The following UBN2 variants were observed in gnomAD, a reference collection of about 807,000 sequenced individuals.
The protein encoded by UBN2 is ubinuclein 2.
Under a neutral mutation model 120.2 loss-of-function variants are expected in UBN2, and 35 were observed. That is an observed-to-expected ratio of 0.29 (90% confidence interval 0.22 to 0.39). The LOEUF (loss-of-function observed/expected upper bound fraction) is 0.39. UBN2 is among the 10% of genes least tolerant of loss of function. The probability of loss-of-function intolerance (pLI) is 1.00; values close to 1 mark genes in which losing one functional copy is unlikely to be tolerated. For synonymous variants in UBN2, 661 were observed against 648.7 expected (o/e 1.02, Z -0.29); for missense variants, 1,693 against 1,663.2 (o/e 1.02, Z -0.31).
At chr7:139,257,572 G>A (rs1029341588) in intron 3 of UBN2, among the ~76,000 whole-genome samples, 3 of 151,518 alleles carry the variant, frequency 2.0e-5, no homozygotes, top group South Asian at 2.1e-4. Context: ...CACCACGCCC[G>A]GCTAATTTTT....
chr7:139,254,403 C>T (rs1355395694), intron 3 of UBN2, among the ~76,000 whole-genome samples: 2 of 152,144 alleles, frequency 1.3e-5, no homozygotes, highest in Non-Finnish European at 2.9e-5. Context: ...GTAAAATGGC[C>T]TTCGTCTTAC....
Position 139,293,246 on chromosome 7 carries a change from A to G in UBN2, c.3684A>G (p.Ala1228=), listed in dbSNP as rs1161922117. 7 of 1,614,182 alleles carry G rather than the reference A, an allele frequency of 4.3e-6. No individual in the cohort carries two copies. In the Admixed American group the frequency reaches 1.0e-4, roughly 23 times the overall value. ...VTASVQSTAG[A]SLLANASPLT... ...TTTCTGCACAGTCCACAGCAGGAGC[A>G]TCATTATTGGCTAATGCCTCACCTC... is the stretch of plus-strand genomic sequence containing the variant. Residue 1228 remains alanine (A), a synonymous_variant, in exon 16 of 18, where the codon GCA becomes GCG. Transcript: ENST00000473989.
intron 3 of UBN2, 136 bp downstream of exon 3, chr7:139,252,193 T>A: frequency 1.5e-6 from 1 of 651,248 alleles, no homozygotes; most frequent in Non-Finnish European, 2.5e-6. Context: ...TACTTAAAGA[T>A]TTCTTTACCC....
In UBN2 at chr7:139,231,458, C is replaced by G; in HGVS notation, c.-27C>G. ...CCGTAGAAGCGAGCGCCGGCTCGAGCAAAAGCGGAGGGCCAGAACAGTGGG... is the reference window on the plus strand; with the variant it reads ...CCGTAGAAGCGAGCGCCGGCTCGAGGAAAAGCGGAGGGCCAGAACAGTGGG... On this transcript the variant is annotated 5_prime_UTR_variant, in exon 1 of 18. Transcript: ENST00000473989. 1 of 1,302,300 alleles carries G rather than the reference C, an allele frequency of 7.7e-7. No individual in the cohort carries two copies. The highest frequency in any genetic ancestry group is 9.8e-7 in the Non-Finnish European group (1 of 1,019,246). 80.7% of individuals were successfully genotyped at this position (1,302,300 alleles called of 1,614,324 possible). A position where few individuals can be genotyped will look rare whatever the true frequency, so the allele number is the denominator to read the frequency against.
chr7:139,269,306 G>A, intron 7 of UBN2, 88 bp from the exon 8 acceptor site: 2 of 1,330,608 alleles, frequency 1.5e-6, no homozygotes, highest in Non-Finnish European at 2.0e-6. Flanking sequence ...GATAAAATGA[G>A]AACAAGAACT....
the UBN2 span, among the ~76,000 whole-genome samples, chr7:139,324,233 T>G: frequency 6.6e-6 from 1 of 152,212 alleles, no homozygotes; most frequent in Admixed American, 6.5e-5. Context: ...CTCTTTAAGT[T>G]AAAATTGTTT....
chr7:139,236,180 A>T (rs1796157667), intron 1 of UBN2, among the ~76,000 whole-genome samples: 1 of 152,180 alleles, frequency 6.6e-6, no homozygotes, highest in East Asian at 1.9e-4. Flanking sequence ...TGTTAAATAG[A>T]TGGTTAATGT....
chr7:139,263,948 C>T (rs182026466), intron 6 of UBN2, among the ~76,000 whole-genome samples: 1 of 152,108 alleles, frequency 6.6e-6, no homozygotes, highest in African/African-American at 2.4e-5. Flanking sequence ...AGAAATTCTT[C>T]TAGGTGTTTT....
intron 2 of UBN2, 69 bp downstream of exon 2, chr7:139,237,166 G>C (rs1563201130): frequency 4.5e-6 from 5 of 1,106,500 alleles, no homozygotes; most frequent in Non-Finnish European, 6.7e-6. Context: ...GTGGCTGGTT[G>C]GGAGGGCCTA....
intron 16 of UBN2, 141 bp downstream of exon 16, chr7:139,293,604 A>G: frequency 1.4e-6 from 1 of 735,756 alleles, no homozygotes; most frequent in Non-Finnish European, 2.2e-6. Flanking sequence ...AATGCAGTTT[A>G]TATATAGTAA....
At chr7:139,245,523 A>G (rs781005289) in intron 2 of UBN2, among the ~76,000 whole-genome samples, 5 of 152,220 alleles carry the variant, frequency 3.3e-5, no homozygotes, top group Non-Finnish European at 7.3e-5. Context: ...GCAACAAACT[A>G]GTCACTTTGG....
chr7:139,292,362 C>T (rs916418368), intron 15 of UBN2, among the ~76,000 whole-genome samples: 2 of 152,160 alleles, frequency 1.3e-5, no homozygotes, highest in African/African-American at 4.8e-5. Context: ...GTCCTCCCTG[C>T]AGTCCAAATA....
chr7:139,266,303 G>A (rs769617146), intron 6 of UBN2, 30 bp from the exon 7 acceptor site: 1 of 1,411,452 alleles, frequency 7.1e-7, no homozygotes, highest in East Asian at 2.4e-5. Flanking sequence ...GGCCTATTTT[G>A]ATTTATTATC....
intron 6 of UBN2, among the ~76,000 whole-genome samples, chr7:139,265,729 G>T (rs1216183307): frequency 1.3e-5 from 2 of 152,052 alleles, no homozygotes; most frequent in Non-Finnish European, 1.5e-5. Flanking sequence ...TGAAGGGAGA[G>T]CCTAGAGGGA....
chr7:139,254,018 G>A (rs1302216960), intron 3 of UBN2, among the ~76,000 whole-genome samples: 1 of 152,196 alleles, frequency 6.6e-6, no homozygotes, highest in Non-Finnish European at 1.5e-5. Context: ...TCACGGCCGG[G>A]TGCGGTGGCT....
intron 2 of UBN2, among the ~76,000 whole-genome samples, chr7:139,243,159 T>G (rs966537206): frequency 6.6e-6 from 1 of 152,190 alleles, no homozygotes; most frequent in Non-Finnish European, 1.5e-5. Flanking sequence ...TGCATTGGCC[T>G]AAAACACTGA....
At chr7:139,281,880 A>G in intron 13 of UBN2, 125 bp from the exon 14 acceptor site, 1 of 786,626 alleles carries the variant, frequency 1.3e-6, no homozygotes, top group South Asian at 1.7e-5. Context: ...TAATGCAGTT[A>G]CACTTGTACT....
At position 139,231,751 on chromosome 7, in the gene UBN2, GC is replaced by G; in HGVS notation, c.272del (p.Pro91ArgfsTer95). 8.2e-7 allele frequency: 1 copy of G among 1,218,422 alleles called. No homozygotes were observed. Among genetic ancestry groups the G allele is most frequent in the Non-Finnish European group, 1.0e-6 (1 of 983,738 alleles). The allele number at this position is 1,218,422 out of a possible 1,614,324, so 75.5% of individuals were successfully genotyped here. A position where few individuals can be genotyped will look rare whatever the true frequency, so the allele number is the denominator to read the frequency against. On this transcript the variant is annotated frameshift_variant, in exon 1 of 18. Coordinates refer to ENST00000473989, the MANE Select transcript of UBN2 (RefSeq NM_173569.4). LOFTEE classifies it high-confidence loss of function. The stretch of plus-strand genomic sequence containing the variant: ...AGCCGCCCATGTCGCTGCAGCGGGA[GC>G]CCCCGCGGCCCGAGCCGCCGCCGCC... ...AEPPMSLQRE[P>X]PRPEPPPPFP...
At chr7:139,297,685 C>T (rs1798148428) in intron 17 of UBN2, 102 bp from the exon 18 acceptor site, 8 of 1,018,052 alleles carry the variant, frequency 7.9e-6, no homozygotes, top group African/African-American at 1.6e-5. Flanking sequence ...TCAGAGATGT[C>T]ATCCACAAAA....
Sources: gnomAD v4.1 joint callset for allele counts (sites outside exome capture counted in the v4.1 genomes callset) on GRCh38, gnomAD v4.1.1 for gene constraint, MANE v1.5 for transcripts, NCBI Gene and HGNC (gene_info 2026-07-23, HGNC 2026-07-21) for gene names.